Variants in TKTL1 observed in about 807,000 individuals in gnomAD.
TKTL1 encodes transketolase like 1.
TKTL1 carries 1 observed loss-of-function variant against 39.3 expected under a neutral mutation model. The ratio of observed to expected loss-of-function variants is 0.03; its 90% CI spans 0.01 to 0.12. The LOEUF (loss-of-function observed/expected upper bound fraction) is 0.12, where lower values mean the gene tolerates loss of function less well. TKTL1 is among the 10% of genes least tolerant of loss of function. The probability of loss-of-function intolerance (pLI) is 1.00; values close to 1 mark genes in which losing one functional copy is unlikely to be tolerated. For synonymous variants in TKTL1, 262 were observed against 193.8 expected (o/e 1.35, Z -2.92); for missense variants, 575 against 509.6 (o/e 1.13, Z -1.24).
intron 7 of TKTL1, among the ~76,000 whole-genome samples, chrX:154,316,989 C>G (rs1404963835): frequency 9.0e-6 from 1 of 110,829 alleles, no homozygotes; most frequent in Non-Finnish European, 1.9e-5. Flanking sequence ...AGGCTGGTCT[C>G]CAACTCCTGA....
At chrX:154,300,332 G>T (rs375892139) in intron 1 of TKTL1, among the ~76,000 whole-genome samples, 1 of 112,208 alleles carries the variant, frequency 8.9e-6, no homozygotes, top group Non-Finnish European at 1.9e-5. Flanking sequence ...ATTTTGATGG[G>T]AATTGCATTG....
intron 1 of TKTL1, among the ~76,000 whole-genome samples, chrX:154,298,897 A>G (rs1341215683): frequency 9.2e-6 from 1 of 109,087 alleles, no homozygotes; most frequent in Non-Finnish European, 1.9e-5. Context: ...CAGGCTAGAG[A>G]TGGGGTTTCT....
chrX:154,319,737 T>TA (rs59299490), intron 7 of TKTL1, among the ~76,000 whole-genome samples: 22,315 of 89,643 alleles, frequency 0.25, 2,491 homozygotes, highest in South Asian at 0.48. Context: ...AGACCCTGTC[T>TA]AAAAAAAAAA....
chrX:154,302,940 G>A (rs1209756814), intron 1 of TKTL1, among the ~76,000 whole-genome samples: 1 of 110,833 alleles, frequency 9.0e-6, no homozygotes, highest in Non-Finnish European at 1.9e-5. Context: ...AGGCAGGGGC[G>A]AGGGCGATCC....
intron 3 of TKTL1, among the ~76,000 whole-genome samples, chrX:154,310,219 G>A (rs2067345568): frequency 9.0e-6 from 1 of 111,086 alleles, no homozygotes; most frequent in South Asian, 3.8e-4. Flanking sequence ...CACTTTGGGA[G>A]GCCGAGGTGG....
chrX:154,311,958 A>G (rs1013847709), intron 5 of TKTL1, among the ~76,000 whole-genome samples: 1 of 109,673 alleles, frequency 9.1e-6, no homozygotes, highest in South Asian at 3.9e-4. Flanking sequence ...CCCCATCTCT[A>G]CTACCATGAC....
chrX:154,303,055 A>G (rs1205013852), intron 1 of TKTL1, among the ~76,000 whole-genome samples: 12 of 110,827 alleles, frequency 1.1e-4, no homozygotes, highest in Non-Finnish European at 2.3e-4. Flanking sequence ...AGGCTTAGGA[A>G]ACGAATGCGT....
rs782536073 is a variant in TKTL1 at position 154,315,756 on chromosome X, A to G, written c.1029+419A>G. On this transcript the variant is annotated intron_variant, in intron 7 of 12. Coordinates refer to ENST00000369915, the MANE Select transcript of TKTL1 (RefSeq NM_012253.4). ...CCTTCTCTCCACTGTAGAGGGGCCT[A>G]ATATAGCACAGAAATGCAAATGTTG... is the stretch of plus-strand genomic sequence containing the variant. Among the ~76,000 whole-genome samples, 30 of 112,248 alleles carry G rather than the reference A, an allele frequency of 2.7e-4. No individual in the cohort carries two copies. The South Asian group carries it at 9.8e-3, about 37-fold the overall frequency.
At chrX:154,324,129 GT>G (rs2067474959) in intron 9 of TKTL1, among the ~76,000 whole-genome samples, 1 of 110,626 alleles carries the variant, frequency 9.0e-6, no homozygotes, top group Non-Finnish European at 1.9e-5. Flanking sequence ...TTTTTGTGTG[GT>G]TTTTGTGTTT....
chrX:154,303,030 G>A (rs1557166279), intron 1 of TKTL1, among the ~76,000 whole-genome samples: 2 of 110,677 alleles, frequency 1.8e-5, no homozygotes, highest in Non-Finnish European at 3.8e-5. Flanking sequence ...CACGTTTGTG[G>A]CAACTCACCC....
Position 154,327,621 on chromosome X carries a change from A to T in TKTL1, c.1432A>T (p.Thr478Ser). 2 of 1,211,304 alleles carry T rather than the reference A, an allele frequency of 1.7e-6. No individual in the cohort carries two copies. The highest frequency in any genetic ancestry group is 2.2e-6 in the Non-Finnish European group (2 of 895,080). ...CCGCCACTGTGTCAGTGACAAGGTCACAGTTATTGGAGCTGGAATTACTGT... is the reference window on the plus strand; with the variant it reads ...CCGCCACTGTGTCAGTGACAAGGTCTCAGTTATTGGAGCTGGAATTACTGT... ...VLRHCVSDKVTVIGAGITVYE... is the reference protein window; with the variant it reads ...VLRHCVSDKVSVIGAGITVYE... The change falls in exon 11 of 13, where the codon ACA (threonine) becomes TCA (serine). Residue 478 changes from threonine to serine, a missense_variant. Coordinates refer to ENST00000369915, the MANE Select transcript of TKTL1 (RefSeq NM_012253.4).
chrX:154,310,421 ACT>A (rs1252594815), intron 3 of TKTL1, among the ~76,000 whole-genome samples: 3 of 112,055 alleles, frequency 2.7e-5, no homozygotes, highest in Non-Finnish European at 3.8e-5. Flanking sequence ...GGTGATGGAA[ACT>A]CTGCCTCAAA....
At chrX:154,315,992 G>A (rs926298018) in intron 7 of TKTL1, among the ~76,000 whole-genome samples, 3 of 111,857 alleles carry the variant, frequency 2.7e-5, no homozygotes, top group African/African-American at 6.5e-5. Flanking sequence ...AGAAGATGAT[G>A]CCCAGCTCCT....
chrX:154,328,008 C>A, intron 12 of TKTL1, 50 bp downstream of exon 12: 1 of 1,194,259 alleles, frequency 8.4e-7, no homozygotes, highest in Non-Finnish European at 1.1e-6. Flanking sequence ...GTTTTTGTTT[C>A]CTTGATTGGC....
chrX:154,300,126 G>A (rs1210749515), intron 1 of TKTL1, among the ~76,000 whole-genome samples: 1 of 107,872 alleles, frequency 9.3e-6, no homozygotes, highest in Non-Finnish European at 1.9e-5. Context: ...AGCGATTCTC[G>A]TGCCTTAGCC....
rs781858395 is a variant in TKTL1 at position 154,302,268 on chromosome X, T to G, written c.135-3036T>G. Among the ~76,000 whole-genome samples the G allele has an allele frequency of 3.6e-5, 4 of 111,091 alleles. No homozygotes were observed. The East Asian group carries it at 1.1e-3, about 31-fold the overall frequency. Reference sequence around the variant, plus strand: ...ATTTTGTCCAATAGTCCTAAGAAATTTTCCCTGTAGAGAATGTCATCTAAG... The same window carrying G: ...ATTTTGTCCAATAGTCCTAAGAAATGTTCCCTGTAGAGAATGTCATCTAAG... On this transcript the variant is annotated intron_variant, in intron 1 of 12. Transcript: ENST00000369915.
chrX:154,328,210 A>ATG (rs1444303549), intron 12 of TKTL1, among the ~76,000 whole-genome samples: 1 of 111,124 alleles, frequency 9.0e-6, no homozygotes, highest in Non-Finnish European at 1.9e-5. Flanking sequence ...GCGAGGTGTC[A>ATG]TGAAAAGCAT....
At chrX:154,296,885 A>G (rs1557164715) in intron 1 of TKTL1, among the ~76,000 whole-genome samples, 1 of 111,830 alleles carries the variant, frequency 8.9e-6, no homozygotes, top group African/African-American at 3.3e-5. Context: ...GCGTGGTGGC[A>G]CGTGCCTGTA....
At chrX:154,318,989 GTTTTT>G (rs782685429) in intron 7 of TKTL1, among the ~76,000 whole-genome samples, 1 of 109,306 alleles carries the variant, frequency 9.1e-6, no homozygotes, top group African/African-American at 3.3e-5. Flanking sequence ...TGAGCATTAG[GTTTTT>G]TTTTCTGGAC....
Sources: allele counts gnomAD v4.1 joint callset (sites outside exome capture counted in the v4.1 genomes callset), GRCh38; gene constraint gnomAD v4.1.1; transcripts MANE v1.5; gene names NCBI Gene and HGNC (gene_info 2026-07-23, HGNC 2026-07-21).